Variants in GRIP1 observed in about 807,000 individuals in gnomAD.
GRIP1 encodes the protein glutamate receptor-interacting protein 1.
A neutral mutation model predicts 129.9 loss-of-function variants in GRIP1; 45 were observed. The observed-to-expected ratio is 0.35, with a 90% CI of 0.27 to 0.44. The LOEUF (loss-of-function observed/expected upper bound fraction) is 0.44. GRIP1 is among the 20% of genes least tolerant of loss of function. The pLI is 1.00. For synonymous variants in GRIP1, 530 were observed against 520.8 expected (o/e 1.02, Z -0.24); for missense variants, 1,196 against 1,396.8 (o/e 0.86, Z 2.29).
At chr12:66,936,426 CAAAA>C (rs35370978) in intron 1 of GRIP1, among the ~76,000 whole-genome samples, 15 of 88,082 alleles carry the variant, frequency 1.7e-4, no homozygotes, top group Non-Finnish European at 2.6e-4. Flanking sequence ...ACCCTGTCTC[CAAAA>C]AAAAAAAAAA....
chr12:66,688,782 A>C (rs1221056560), intron 1 of GRIP1, among the ~76,000 whole-genome samples: 10 of 152,152 alleles, frequency 6.6e-5, no homozygotes, highest in Non-Finnish European at 1.3e-4. Flanking sequence ...AAAAAAAAAA[A>C]AAAGGAAAGG....
intron 1 of GRIP1, among the ~76,000 whole-genome samples, chr12:66,667,623 C>T (rs1012039417): frequency 3.9e-5 from 6 of 152,098 alleles, no homozygotes; most frequent in African/African-American, 4.8e-5. Flanking sequence ...CCCAAGGCCT[C>T]GGGTGGGAGA....
At chr12:66,785,945 T>C (rs1357384681) in intron 1 of GRIP1, among the ~76,000 whole-genome samples, 3 of 152,040 alleles carry the variant, frequency 2.0e-5, no homozygotes, top group Non-Finnish European at 4.4e-5. Context: ...TAGCCGGGCA[T>C]GGTGGCATGC....
chr12:66,805,706 G>A (rs184157768), upstream of GRIP1, among the ~76,000 whole-genome samples: 375 of 152,228 alleles, frequency 2.5e-3, no homozygotes, highest in Non-Finnish European at 4.1e-3. Context: ...CCTATTTTCA[G>A]ATATAAATTG....
chr12:66,891,752 A>T (rs2040662805), intron 1 of GRIP1: 1 of 152,194 alleles, frequency 6.6e-6, no homozygotes, highest in South Asian at 2.1e-4. Flanking sequence ...GTACCTTGAG[A>T]AAGAGCTGAC....
chr12:66,546,223 C>T (rs991850209), intron 2 of GRIP1, among the ~76,000 whole-genome samples: 8 of 152,144 alleles, frequency 5.3e-5, no homozygotes, highest in Non-Finnish European at 1.0e-4. Context: ...GGTGCAGTGG[C>T]TCATGCCTAT....
intron 2 of GRIP1, among the ~76,000 whole-genome samples, chr12:66,546,896 A>C (rs925332946): frequency 1.3e-5 from 2 of 152,168 alleles, no homozygotes; most frequent in Non-Finnish European, 2.9e-5. Context: ...AAAAGGAAAA[A>C]AAAATCAGCA....
intron 1 of GRIP1, among the ~76,000 whole-genome samples, chr12:67,063,948 C>T (rs139193993): frequency 5.3e-5 from 8 of 152,142 alleles, no homozygotes; most frequent in Non-Finnish European, 1.2e-4. Flanking sequence ...CAATCATTTC[C>T]CAGTTTTTCA....
intron 2 of GRIP1, among the ~76,000 whole-genome samples, chr12:66,589,274 A>T (rs903343251): frequency 1.5e-5 from 2 of 129,426 alleles, no homozygotes; most frequent in Non-Finnish European, 3.1e-5. Flanking sequence ...AGGTTAGGTT[A>T]CTCCTATGAT....
Position 66,488,756 on chromosome 12 carries a change from A to C in GRIP1, c.725-23334T>G, listed in dbSNP as rs138205101. Among the ~76,000 whole-genome samples, 611 of 152,290 alleles carry C rather than the reference A, an allele frequency of 4.0e-3. 17 individuals are homozygous for C. In the East Asian group the frequency reaches 0.041, roughly 10 times the overall value. ...ATAAAGAAGAAAAGAGAGAAGAATC[A>C]AGTAAACACAATCAGAAATGATAAG... is the stretch of plus-strand genomic sequence containing the variant. On this transcript the variant is annotated intron_variant, in intron 7 of 24. Coordinates refer to ENST00000359742, the MANE Select transcript of GRIP1 (RefSeq NM_001366722.1).
chr12:67,005,998 T>C (rs1350917300), intron 1 of GRIP1, among the ~76,000 whole-genome samples: 13 of 152,220 alleles, frequency 8.5e-5, no homozygotes, highest in Admixed American at 7.2e-4. Flanking sequence ...TGAACTTCCA[T>C]GCATAATATC....
In GRIP1 at chr12:66,607,420, G is replaced by A. The variant is rs148973701; in HGVS notation, c.56-10493C>T. ...GATTTATGAACTTGTTCCTATAAATGGTTTATCATTTTAAAATGAATAAAT... is the reference window on the plus strand; with the variant it reads ...GATTTATGAACTTGTTCCTATAAATAGTTTATCATTTTAAAATGAATAAAT... On this transcript the variant is annotated intron_variant, in intron 1 of 24. Coordinates refer to ENST00000359742, the MANE Select transcript of GRIP1 (RefSeq NM_001366722.1). Among the ~76,000 whole-genome samples, 5 of 152,174 alleles carry A rather than the reference G, an allele frequency of 3.3e-5. No homozygotes were observed. In the East Asian group the frequency reaches 5.8e-4, roughly 18 times the overall value.
rs916901448 is a variant in GRIP1 at position 66,583,538 on chromosome 12, A to G, written c.136+13309T>C. Among the ~76,000 whole-genome samples the G allele has an allele frequency of 9.4e-4, 122 of 129,916 alleles. 2 individuals are homozygous for G. The highest frequency in any genetic ancestry group is 1.6e-3 in the Non-Finnish European group (95 of 59,816). The allele number at this position is 129,916 out of a possible 152,430, so 85.2% of individuals were successfully genotyped here. A position where few individuals can be genotyped will look rare whatever the true frequency, so the allele number is the denominator to read the frequency against. On this transcript the variant is annotated intron_variant, in intron 2 of 24. Coordinates refer to ENST00000359742, the MANE Select transcript of GRIP1 (RefSeq NM_001366722.1). ...CAAAGGGCTAATATCCAGAATCTAC[A>G]ATGAACTCAAACCAATTTACAAGAA...
intron 7 of GRIP1, among the ~76,000 whole-genome samples, chr12:66,499,660 G>A (rs1421622513): frequency 3.9e-5 from 6 of 152,114 alleles, no homozygotes; most frequent in Non-Finnish European, 8.8e-5. Context: ...AAGATGGTAT[G>A]GGAGTTATTA....
At chr12:66,422,613 T>C (rs1388699154) in intron 14 of GRIP1, among the ~76,000 whole-genome samples, 1 of 152,112 alleles carries the variant, frequency 6.6e-6, no homozygotes, top group African/African-American at 2.4e-5. Flanking sequence ...ACTGAAATGG[T>C]CTGTAAAACC....
At chr12:66,468,883 C>T (rs1014722170) in intron 7 of GRIP1, among the ~76,000 whole-genome samples, 3 of 152,142 alleles carry the variant, frequency 2.0e-5, no homozygotes, top group Non-Finnish European at 4.4e-5. Flanking sequence ...AGAGCATCCA[C>T]AGCTTCTACA....
chr12:66,593,447 G>C (rs2063918226), intron 2 of GRIP1, among the ~76,000 whole-genome samples: 1 of 152,166 alleles, frequency 6.6e-6, no homozygotes, highest in Non-Finnish European at 1.5e-5. Flanking sequence ...CTTTAGGACA[G>C]AAATGTTTAA....
chr12:66,439,929 T>G (rs2058424896), intron 13 of GRIP1, among the ~76,000 whole-genome samples: 1 of 152,176 alleles, frequency 6.6e-6, no homozygotes, highest in Non-Finnish European at 1.5e-5. Context: ...CTTACTCCAC[T>G]GTGTAGGCTG....
At chr12:66,475,177 T>C (rs2059567210) in intron 7 of GRIP1, among the ~76,000 whole-genome samples, 1 of 152,100 alleles carries the variant, frequency 6.6e-6, no homozygotes, top group African/African-American at 2.4e-5. Context: ...GGGGTTGCAA[T>C]CCTAGTCTCT....
Sources: allele counts gnomAD v4.1 joint callset (sites outside exome capture counted in the v4.1 genomes callset), GRCh38; gene constraint gnomAD v4.1.1; transcripts MANE v1.5; gene names NCBI Gene and HGNC (gene_info 2026-07-23, HGNC 2026-07-21).